FNBP1L: variants seen among roughly 807,000 people sequenced by gnomAD.
The protein encoded by FNBP1L is formin binding protein 1 like.
A neutral mutation model predicts 91.2 loss-of-function variants in FNBP1L; 36 were observed. The observed-to-expected ratio is 0.39, with a 90% CI of 0.30 to 0.52. FNBP1L has a LOEUF of 0.52. Ranked by LOEUF, FNBP1L falls within the 20% of genes least tolerant of loss-of-function variation. The pLI, the probability that FNBP1L is intolerant of heterozygous loss-of-function variation, is 0.66. For synonymous variants in FNBP1L, 242 were observed against 237.0 expected (o/e 1.02, Z -0.19); for missense variants, 571 against 732.1 (o/e 0.78, Z 2.54).
chr1:93,480,398 A>G (rs893165183), intron 1 of FNBP1L, among the ~76,000 whole-genome samples: 1 of 152,194 alleles, frequency 6.6e-6, no homozygotes, highest in African/African-American at 2.4e-5. Context: ...TAATCTTTTG[A>G]GAACCCATTC....
At chr1:93,477,567 C>A (rs894855989) in intron 1 of FNBP1L, among the ~76,000 whole-genome samples, 5 of 152,118 alleles carry the variant, frequency 3.3e-5, no homozygotes, top group African/African-American at 1.2e-4. Context: ...CTCATTAGAC[C>A]TTTAAATACT....
chr1:93,466,295 G>A (rs1384525070), intron 1 of FNBP1L, among the ~76,000 whole-genome samples: 4 of 152,098 alleles, frequency 2.6e-5, no homozygotes, highest in African/African-American at 4.8e-5. Context: ...GTCCTGAAAG[G>A]TATTGCCTAG....
intron 9 of FNBP1L, 118 bp from the exon 10 acceptor site, chr1:93,536,214 C>A: frequency 1.6e-6 from 1 of 643,542 alleles, no homozygotes; most frequent in Non-Finnish European, 2.3e-6. Flanking sequence ...AATATTTTTA[C>A]AGAAAACTTT....
intron 4 of FNBP1L, 54 bp from the exon 5 acceptor site, chr1:93,524,207 G>T: frequency 5.2e-6 from 7 of 1,335,514 alleles, no homozygotes; most frequent in Admixed American, 6.6e-5. Flanking sequence ...ATTTTTATTT[G>T]TTTTTGTTTT....
chr1:93,547,029 T>G (rs1366247383), intron 13 of FNBP1L, 55 bp downstream of exon 13: 1 of 1,520,010 alleles, frequency 6.6e-7, no homozygotes, highest in Non-Finnish European at 8.9e-7. Flanking sequence ...AACTTCATTA[T>G]GATAGATTGG....
At chr1:93,522,207 GAT>G (rs1330627034) in intron 3 of FNBP1L, 72 bp downstream of exon 3, 2 of 693,548 alleles carry the variant, frequency 2.9e-6, no homozygotes, top group South Asian at 4.2e-5. Context: ...TATTTAGTAA[GAT>G]ATATTCTTAG....
At chr1:93,454,585 T>C (rs1668597305) in intron 1 of FNBP1L, among the ~76,000 whole-genome samples, 1 of 152,160 alleles carries the variant, frequency 6.6e-6, no homozygotes, top group Non-Finnish European at 1.5e-5. Flanking sequence ...AATTTGAAAT[T>C]AGTTTTATTT....
At chr1:93,511,773 C>T (rs1480914773) in intron 2 of FNBP1L, among the ~76,000 whole-genome samples, 14 of 151,634 alleles carry the variant, frequency 9.2e-5, no homozygotes, top group South Asian at 2.1e-4. Context: ...GAGACCATCC[C>T]GGCTAAAACG....
chr1:93,465,957 A>G (rs927444579), intron 1 of FNBP1L, among the ~76,000 whole-genome samples: 3 of 152,194 alleles, frequency 2.0e-5, no homozygotes, highest in Non-Finnish European at 4.4e-5. Context: ...ATGACCAGTG[A>G]TGATGAGCAT....
At chr1:93,552,026 AC>A in intron 16 of FNBP1L, 1 of 1,011,608 alleles carries the variant, frequency 9.9e-7, no homozygotes, top group Non-Finnish European at 1.2e-6. Context: ...TAAAGGAGAA[AC>A]TTTTTGACTA....
intron 2 of FNBP1L, among the ~76,000 whole-genome samples, chr1:93,504,906 T>C (rs1670557151): frequency 6.6e-6 from 1 of 152,216 alleles, no homozygotes. Context: ...CTTGATTGTG[T>C]CCTTCTATGC....
intron 10 of FNBP1L, among the ~76,000 whole-genome samples, chr1:93,537,952 C>T (rs1671900086): frequency 6.6e-6 from 1 of 152,084 alleles, no homozygotes; most frequent in Non-Finnish European, 1.5e-5. Context: ...TTCAGCCTCC[C>T]AAAGTTCTGG....
At chr1:93,540,886 G>A (rs1451555562) in intron 10 of FNBP1L, among the ~76,000 whole-genome samples, 156 bp from the exon 11 acceptor site, 7 of 137,714 alleles carry the variant, frequency 5.1e-5, no homozygotes, top group African/African-American at 1.6e-4. Context: ...TTCCCAAAAT[G>A]TGCTTAAAAT....
At chr1:93,552,031 T>C (rs1362572998) in intron 16 of FNBP1L, 3 of 1,015,880 alleles carry the variant, frequency 3.0e-6, no homozygotes, top group Admixed American at 5.8e-5. Flanking sequence ...GAGAAACTTT[T>C]TGACTATCTG....
intron 1 of FNBP1L, among the ~76,000 whole-genome samples, chr1:93,467,514 A>G (rs909821480): frequency 6.6e-5 from 10 of 152,180 alleles, no homozygotes; most frequent in African/African-American, 2.4e-4. Context: ...TTTAATGGGT[A>G]TAGAGTTTCA....
At chr1:93,508,041 G>A (rs1392074318) in intron 2 of FNBP1L, among the ~76,000 whole-genome samples, 1 of 151,528 alleles carries the variant, frequency 6.6e-6, no homozygotes, top group Non-Finnish European at 1.5e-5. Context: ...CCTGAGAAGT[G>A]AGTACTATTA....
At chr1:93,495,266 A>G (rs1480152623) in intron 1 of FNBP1L, among the ~76,000 whole-genome samples, 1 of 152,234 alleles carries the variant, frequency 6.6e-6, no homozygotes, top group Admixed American at 6.5e-5. Context: ...GCTTATGTCT[A>G]GATTGTTTCA....
At chr1:93,530,729 A>G (rs1275358518) in intron 6 of FNBP1L, 26 bp from the exon 7 acceptor site, 1 of 1,588,274 alleles carries the variant, frequency 6.3e-7, no homozygotes, top group Non-Finnish European at 8.6e-7. Flanking sequence ...TGTTGTTGAT[A>G]ATAATTTCGA....
chr1:93,515,480 G>T (rs1671059114), intron 2 of FNBP1L, among the ~76,000 whole-genome samples: 1 of 152,070 alleles, frequency 6.6e-6, no homozygotes, highest in Admixed American at 6.5e-5. Context: ...ATTTATTGCG[G>T]CATTATTCGC....
Sources: gnomAD v4.1 joint callset for allele counts (sites outside exome capture counted in the v4.1 genomes callset) on GRCh38, gnomAD v4.1.1 for gene constraint, MANE v1.5 for transcripts, NCBI Gene and HGNC (gene_info 2026-07-23, HGNC 2026-07-21) for gene names.